The following ITGB3BP variants were observed in gnomAD, a reference collection of about 807,000 sequenced individuals.
The protein encoded by ITGB3BP is centromere protein R.
ITGB3BP carries 27 observed loss-of-function variants against 29.1 expected under a neutral mutation model. The ratio of observed to expected loss-of-function variants is 0.93; its 90% CI spans 0.68 to 1.28. The LOEUF (loss-of-function observed/expected upper bound fraction) is 1.28. Among genes scored for constraint, ITGB3BP ranks in the 50% most tolerant of loss-of-function variants. The probability of loss-of-function intolerance (pLI) is 0.00; values close to 1 mark genes in which losing one functional copy is unlikely to be tolerated. For synonymous variants in ITGB3BP, 61 were observed against 61.4 expected, an observed-to-expected ratio of 0.99 and a Z score of 0.03; for missense variants, 192 against 200.2, an observed-to-expected ratio of 0.96 and a Z score of 0.25.
At chr1:63,501,513 G>C (rs1645929291) in intron 2 of ITGB3BP, among the ~76,000 whole-genome samples, 1 of 152,078 alleles carries the variant, frequency 6.6e-6, no homozygotes, top group Non-Finnish European at 1.5e-5. Flanking sequence ...TTTGGGGTGA[G>C]AGAAATGTTC....
chr1:63,456,967 A>C (rs935863623), intron 4 of ITGB3BP, among the ~76,000 whole-genome samples: 5 of 152,162 alleles, frequency 3.3e-5, no homozygotes, highest in Non-Finnish European at 5.9e-5. Flanking sequence ...TTATCTGGGG[A>C]AGTTGTTTTC....
At chr1:63,506,264 T>C (rs1341071878) in intron 2 of ITGB3BP, among the ~76,000 whole-genome samples, 1 of 152,248 alleles carries the variant, frequency 6.6e-6, no homozygotes, top group Non-Finnish European at 1.5e-5. Context: ...TTTACCATTA[T>C]GTAATGACCT....
At chr1:63,474,187 G>A in intron 4 of ITGB3BP, among the ~76,000 whole-genome samples, 1 of 130,888 alleles carries the variant, frequency 7.6e-6, no homozygotes, top group African/African-American at 2.8e-5. Context: ...CTATCCAGGA[G>A]GTGAGGGGCG....
intron 2 of ITGB3BP, among the ~76,000 whole-genome samples, chr1:63,503,356 G>A (rs2100747365): frequency 6.6e-6 from 1 of 151,880 alleles, no homozygotes; most frequent in Middle Eastern, 3.4e-3. Context: ...ACTTTTTGAT[G>A]GGGTTGTTTT....
intron 4 of ITGB3BP, among the ~76,000 whole-genome samples, chr1:63,467,546 T>A (rs1454123939): frequency 6.8e-6 from 1 of 147,388 alleles, no homozygotes; most frequent in Non-Finnish European, 1.5e-5. Flanking sequence ...GATTGATTGA[T>A]TGAATGTAGA....
At chr1:63,492,811 G>A (rs1645682646) in intron 2 of ITGB3BP, among the ~76,000 whole-genome samples, 2 of 152,224 alleles carry the variant, frequency 1.3e-5, no homozygotes, top group African/African-American at 2.4e-5. Flanking sequence ...AAGAAAGAAA[G>A]AAAGAGAGCG....
intron 3 of ITGB3BP, among the ~76,000 whole-genome samples, chr1:63,482,512 G>A (rs1389335772): frequency 2.0e-5 from 3 of 152,006 alleles, no homozygotes; most frequent in Non-Finnish European, 4.4e-5. Flanking sequence ...TGTAGATCAA[G>A]TTGAGGCCTG....
At chr1:63,503,537 T>G (rs1031942798) in intron 2 of ITGB3BP, among the ~76,000 whole-genome samples, 2 of 152,244 alleles carry the variant, frequency 1.3e-5, no homozygotes, top group African/African-American at 4.8e-5. Flanking sequence ...TTGTCAATTT[T>G]GTCTTTTGTT....
intron 4 of ITGB3BP, among the ~76,000 whole-genome samples, chr1:63,467,220 CTTGTTTTGTAGTAGTTTA>C (rs140091891): frequency 0.34 from 51,443 of 152,002 alleles, 8,930 homozygotes; most frequent in East Asian, 0.48. Flanking sequence ...TATTTAGAAA[CTTGTTTTGTAGTAGTTTA>C]TAATCATTAA....
intron 4 of ITGB3BP, among the ~76,000 whole-genome samples, chr1:63,467,117 A>G: frequency 6.6e-6 from 1 of 152,128 alleles, no homozygotes; most frequent in East Asian, 1.9e-4. Context: ...TCCTTGCCTC[A>G]AGTGATCCTC....
At chr1:63,477,296 G>A (rs1433117549) in intron 4 of ITGB3BP, among the ~76,000 whole-genome samples, 1 of 152,198 alleles carries the variant, frequency 6.6e-6, no homozygotes, top group African/African-American at 2.4e-5. Flanking sequence ...ACTTGGGGCT[G>A]TAGCCACAGA....
chr1:63,465,167 G>A (rs1570159339), intron 4 of ITGB3BP, among the ~76,000 whole-genome samples: 1 of 152,130 alleles, frequency 6.6e-6, no homozygotes, highest in East Asian at 1.9e-4. Context: ...AAAAAAGGAT[G>A]TCTGCAACTT....
At chr1:63,472,557 C>G (rs894429204) in intron 4 of ITGB3BP, among the ~76,000 whole-genome samples, 1 of 150,630 alleles carries the variant, frequency 6.6e-6, no homozygotes, top group African/African-American at 2.4e-5. Context: ...TCTCGGCTCA[C>G]TGCAACCTCC....
intron 4 of ITGB3BP, among the ~76,000 whole-genome samples, chr1:63,459,785 A>G (rs1644987117): frequency 6.6e-6 from 1 of 152,158 alleles, no homozygotes; most frequent in South Asian, 2.1e-4. Flanking sequence ...GTTCTCAACC[A>G]TTATATAATA....
At chr1:63,468,918 G>T (rs1464670757) in intron 4 of ITGB3BP, among the ~76,000 whole-genome samples, 2 of 151,668 alleles carry the variant, frequency 1.3e-5, no homozygotes, top group Non-Finnish European at 2.9e-5. Flanking sequence ...GGGCGTGGTG[G>T]TGTGTGCTTG....
chr1:63,446,038 G>A (rs1644787105), intron 8 of ITGB3BP, among the ~76,000 whole-genome samples: 1 of 152,100 alleles, frequency 6.6e-6, no homozygotes, highest in African/African-American at 2.4e-5. Context: ...TGAGTAGCTG[G>A]GATTCAGGCG....
At chr1:63,462,225 A>G (rs1645029167) in intron 4 of ITGB3BP, among the ~76,000 whole-genome samples, 1 of 152,130 alleles carries the variant, frequency 6.6e-6, no homozygotes, top group African/African-American at 2.4e-5. Flanking sequence ...TGTGTATTTT[A>G]TCCTTTCAGA....
intron 3 of ITGB3BP, among the ~76,000 whole-genome samples, chr1:63,479,239 TG>T (rs1645395594): frequency 6.6e-6 from 1 of 152,158 alleles, no homozygotes; most frequent in South Asian, 2.1e-4. Flanking sequence ...AACAAGGGAT[TG>T]GTGATACCGA....
At chr1:63,458,828 A>G (rs1473113679) in intron 4 of ITGB3BP, among the ~76,000 whole-genome samples, 1 of 152,186 alleles carries the variant, frequency 6.6e-6, no homozygotes, top group Non-Finnish European at 1.5e-5. Flanking sequence ...AATGAACAGA[A>G]TAAAAAAGAC....
Sources: gnomAD v4.1 joint callset for allele counts (sites outside exome capture counted in the v4.1 genomes callset) on GRCh38, gnomAD v4.1.1 for gene constraint, MANE v1.5 for transcripts, NCBI Gene and HGNC (gene_info 2026-07-23, HGNC 2026-07-21) for gene names.